Variants in STARD4 observed in about 807,000 individuals in gnomAD.
The protein encoded by STARD4 is StAR related lipid transfer domain containing 4.
STARD4 carries 33 observed loss-of-function variants against 24.9 expected under a neutral mutation model. The observed-to-expected ratio is 1.32, with a 90% CI of 1.00 to 1.77. The LOEUF is 1.77. Among genes scored for constraint, STARD4 ranks in the 40% most tolerant of loss-of-function variants. The pLI is 0.00. For missense variants in STARD4, 238 were observed against 249.3 expected (o/e 0.95, Z 0.31); for synonymous variants, 88 against 77.4 (o/e 1.14, Z -0.72).
chr5:111,507,299 C>A lies in STARD4; in HGVS notation c.105+30G>T. 2 of 1,563,520 alleles carry A rather than the reference C, an allele frequency of 1.3e-6. No individual in the cohort carries two copies. The highest frequency in any genetic ancestry group is 1.1e-5 in the South Asian group (1 of 88,056). ...ACCAATTCATTAGATAGAAGATATACCCCAAATATAAGTAATTGAACTAAT... is the reference window on the plus strand; with the variant it reads ...ACCAATTCATTAGATAGAAGATATAACCCAAATATAAGTAATTGAACTAAT... On this transcript the variant is annotated intron_variant, in intron 2 of 5. Transcript: ENST00000296632. This position sits in a 1 kb window ranked among gnomAD's most constrained non-coding sequence, Gnocchi z 4.4.
At chr5:111,504,096 T>A (rs2112555692) in intron 3 of STARD4, among the ~76,000 whole-genome samples, 1 of 152,290 alleles carries the variant, frequency 6.6e-6, no homozygotes, top group African/African-American at 2.4e-5. Flanking sequence ...TGGAGGGGGA[T>A]GAGAATCCTG....
intron 4 of STARD4, 90 bp from the exon 5 acceptor site, chr5:111,501,206 T>C: frequency 2.4e-6 from 3 of 1,274,150 alleles, no homozygotes; most frequent in Non-Finnish European, 3.2e-6. Context: ...AAGAAACTAA[T>C]ATTTATTTAA....
At position 111,497,357 on chromosome 5, in the gene STARD4, C is replaced by G. The variant is rs1243435378; in HGVS notation, c.*2529G>C. 1.3e-5 allele frequency: 2 copies of G among 151,918 alleles called. No individual in the cohort carries two copies. Among genetic ancestry groups the G allele is most frequent in the Admixed American group, 1.3e-4 (2 of 15,236 alleles). 9.4% of individuals were successfully genotyped at this position (151,918 alleles called of 1,614,324 possible). A position where few individuals can be genotyped will look rare whatever the true frequency, so the allele number is the denominator to read the frequency against. On this transcript the variant is annotated 3_prime_UTR_variant, in exon 6 of 6. Coordinates refer to ENST00000296632, the MANE Select transcript of STARD4 (RefSeq NM_139164.3). ...AAAGATTTCCATTTAAGATATTATT[C>G]CGTATTATTGTCTATTTCATCTTAC...
intron 3 of STARD4, among the ~76,000 whole-genome samples, chr5:111,505,509 T>A (rs1218499672): frequency 6.6e-6 from 1 of 152,156 alleles, no homozygotes; most frequent in Non-Finnish European, 1.5e-5. Flanking sequence ...AAACAATATA[T>A]TATTTTCTTA....
rs767977893 is a variant in STARD4 at position 111,507,469 on chromosome 5, A to C, written c.-9-27T>G. On this transcript the variant is annotated intron_variant, in intron 1 of 5. Transcript: ENST00000296632. The surrounding 1 kb of genome is among the most constrained non-coding windows in gnomAD (Gnocchi z 4.4). ...TGTTATGGAGACCAAGATTAGCATC[A>C]GCAAATACCACAGTTTGAGGCAATA... 6.3e-7 allele frequency: 1 copy of C among 1,577,252 alleles called. No individual in the cohort carries two copies. The highest frequency in any genetic ancestry group is 1.1e-5 in the South Asian group (1 of 88,382).
At chr5:111,508,418 C>T (rs1231056780) in intron 1 of STARD4, among the ~76,000 whole-genome samples, 1 of 152,014 alleles carries the variant, frequency 6.6e-6, no homozygotes, top group Non-Finnish European at 1.5e-5. Context: ...CTTTTGGTGC[C>T]AGGGCACCAA....
intron 5 of STARD4, 21 bp from the exon 6 acceptor site, chr5:111,500,127 T>C (rs1312288152): frequency 6.3e-7 from 1 of 1,578,158 alleles, no homozygotes; most frequent in African/African-American, 1.4e-5. Flanking sequence ...ATTTTTAAAA[T>C]AGCACTATTA....
At chr5:111,510,093 A>G (rs753013705) in intron 1 of STARD4, among the ~76,000 whole-genome samples, 2 of 152,230 alleles carry the variant, frequency 1.3e-5, no homozygotes, top group Non-Finnish European at 2.9e-5. Context: ...ACAAAATCAG[A>G]AAGCTCTCTC....
In STARD4 at chr5:111,496,262, A is replaced by C. The variant is rs537041341; in HGVS notation, c.*3624T>G. On this transcript the variant is annotated 3_prime_UTR_variant, in exon 6 of 6. Transcript: ENST00000296632. ...CTATACATGTAAAATCCGTAAAAAC[A>C]ATACAATAATTTAAAAATTATAGTT... The C allele has an allele frequency of 6.6e-6, 1 of 152,228 alleles. No individual in the cohort carries two copies. Among genetic ancestry groups the C allele is most frequent in the Admixed American group, 6.5e-5 (1 of 15,278 alleles). The allele number at this position is 152,228 out of a possible 1,614,324, so 9.4% of individuals were successfully genotyped here. A position where few individuals can be genotyped will look rare whatever the true frequency, so the allele number is the denominator to read the frequency against.
At chr5:111,504,189 G>C (rs574858365) in intron 3 of STARD4, among the ~76,000 whole-genome samples, 1 of 152,104 alleles carries the variant, frequency 6.6e-6, no homozygotes, top group Admixed American at 6.6e-5. Context: ...AAAATTACAC[G>C]TGTGCACAAA....
Position 111,501,955 on chromosome 5 carries a change from T to A in STARD4, c.282+7A>T. 2 of 1,613,960 alleles carry A rather than the reference T, an allele frequency of 1.2e-6. No homozygotes were observed. The highest frequency in any genetic ancestry group is 1.7e-6 in the Non-Finnish European group (2 of 1,179,942). Reference sequence around the variant, plus strand: ...CACAGTCTAAAGTAATGTTTCTAAATAGATACCTCTTCAAAGTTCTCCAGA... The same window carrying A: ...CACAGTCTAAAGTAATGTTTCTAAAAAGATACCTCTTCAAAGTTCTCCAGA... On this transcript the variant is annotated splice_region_variant and intron_variant, in intron 4 of 5. Transcript: ENST00000296632.
chr5:111,499,719 T>A lies in STARD4; in HGVS notation c.*167A>T. ...AAAAAAAAGTGAAAATGCCCTCTCT[T>A]AGATAGCTATTTACTTTAGGAATAA... is the stretch of plus-strand genomic sequence containing the variant. On this transcript the variant is annotated 3_prime_UTR_variant, in exon 6 of 6. Coordinates refer to ENST00000296632, the MANE Select transcript of STARD4 (RefSeq NM_139164.3). 1 of 642,110 alleles carries A rather than the reference T, an allele frequency of 1.6e-6. No individual in the cohort carries two copies. Among genetic ancestry groups the A allele is most frequent in the Non-Finnish European group, 2.6e-6 (1 of 377,444 alleles). 39.8% of individuals were successfully genotyped at this position (642,110 alleles called of 1,614,324 possible). A position where few individuals can be genotyped will look rare whatever the true frequency, so the allele number is the denominator to read the frequency against.
chr5:111,502,605 C>G (rs1052834290), intron 3 of STARD4, among the ~76,000 whole-genome samples: 6 of 151,520 alleles, frequency 4.0e-5, no homozygotes, highest in African/African-American at 1.5e-4. Context: ...ACCAGCCTGA[C>G]CAACATGCAG....
At chr5:111,502,427 C>T (rs921979979) in intron 3 of STARD4, among the ~76,000 whole-genome samples, 1 of 151,422 alleles carries the variant, frequency 6.6e-6, no homozygotes, top group African/African-American at 2.4e-5. Context: ...CAAGATCATG[C>T]CACTGCACTC....
At position 111,496,998 on chromosome 5, in the gene STARD4, A is replaced by G. The variant is rs1487471792; in HGVS notation, c.*2888T>C. 6.6e-6 allele frequency: 1 copy of G among 152,012 alleles called. No homozygotes were observed. The highest frequency in any genetic ancestry group is 2.4e-5 in the African/African-American group (1 of 41,414). The allele number at this position is 152,012 out of a possible 1,614,324, so 9.4% of individuals were successfully genotyped here. ...AACTAAGAGTTATCAACACAAACTA[A>G]TATTTCATGCAAAAGTATCACTTTT... On this transcript the variant is annotated 3_prime_UTR_variant, in exon 6 of 6. Coordinates refer to ENST00000296632, the MANE Select transcript of STARD4 (RefSeq NM_139164.3).
intron 5 of STARD4, chr5:111,500,433 T>C: frequency 9.3e-7 from 1 of 1,072,500 alleles, no homozygotes; most frequent in Non-Finnish European, 1.1e-6. Flanking sequence ...ACCGTAACTA[T>C]TCCCCACAGC....
chr5:111,504,227 G>A (rs969112877), intron 3 of STARD4, among the ~76,000 whole-genome samples: 2 of 152,088 alleles, frequency 1.3e-5, no homozygotes, highest in African/African-American at 4.8e-5. Context: ...GTTTACTATC[G>A]CATTGTACTT....
At chr5:111,506,193 C>CAAAAA (rs878865342) in intron 3 of STARD4, 137 bp downstream of exon 3, 3 of 81,300 alleles carry the variant, frequency 3.7e-5, no homozygotes, top group Admixed American at 1.9e-4. Flanking sequence ...GACTCTGTCT[C>CAAAAA]AAAAAAAAAA....
At chr5:111,506,873 G>T (rs1399741948) in intron 2 of STARD4, among the ~76,000 whole-genome samples, 2 of 152,164 alleles carry the variant, frequency 1.3e-5, no homozygotes, top group Non-Finnish European at 2.9e-5. Context: ...AACTAGAAGT[G>T]TCCTGGGTTC....
Sources: allele counts gnomAD v4.1 joint callset (sites outside exome capture counted in the v4.1 genomes callset), GRCh38; gene constraint gnomAD v4.1.1; non-coding constraint Gnocchi (gnomAD v3.1); transcripts MANE v1.5; gene names NCBI Gene and HGNC (gene_info 2026-07-23, HGNC 2026-07-21).